Variants in NIBAN1 observed in about 807,000 individuals in gnomAD.
NIBAN1 encodes the protein niban apoptosis regulator 1, also known as protein Niban 1.
A neutral mutation model predicts 75.1 loss-of-function variants in NIBAN1; 81 were observed. The ratio of observed to expected loss-of-function variants is 1.08; its 90% CI spans 0.90 to 1.30. NIBAN1 has a LOEUF of 1.30. Ranked by LOEUF, NIBAN1 falls within the 50% of genes most tolerant of loss-of-function variation. NIBAN1 has a pLI of 0.00. For synonymous variants in NIBAN1, 436 were observed against 424.8 expected, an observed-to-expected ratio of 1.03 and a Z score of -0.32; for missense variants, 1,133 against 1,128.1, an observed-to-expected ratio of 1.00 and a Z score of -0.06.
At chr1:184,960,446 TCTC>T (rs1242739099) in intron 1 of NIBAN1, among the ~76,000 whole-genome samples, 2 of 152,214 alleles carry the variant, frequency 1.3e-5, no homozygotes, top group Non-Finnish European at 2.9e-5. Context: ...AATTTTTTCT[TCTC>T]CTTTCATTCA....
chr1:184,972,592 G>A (rs1206601148), intron 1 of NIBAN1, among the ~76,000 whole-genome samples: 1 of 152,114 alleles, frequency 6.6e-6, no homozygotes, highest in Non-Finnish European at 1.5e-5. Context: ...ATAGAATGAA[G>A]AGAGAAAGCT....
chr1:184,899,065 C>T, intron 2 of NIBAN1, 114 bp downstream of exon 2: 1 of 1,255,800 alleles, frequency 8.0e-7, no homozygotes, highest in Non-Finnish European at 1.1e-6. Flanking sequence ...GAAACGACTT[C>T]AGAGCAGAGT....
chr1:184,824,244 T>A (rs1654784463), intron 6 of NIBAN1, among the ~76,000 whole-genome samples: 1 of 152,180 alleles, frequency 6.6e-6, no homozygotes, highest in East Asian at 1.9e-4. Context: ...CCAAGCCCCA[T>A]TGTCATCCTC....
chr1:184,971,857 C>T (rs1658945371), intron 1 of NIBAN1, among the ~76,000 whole-genome samples: 1 of 152,140 alleles, frequency 6.6e-6, no homozygotes, highest in African/African-American at 2.4e-5. Flanking sequence ...ATGAGCATTG[C>T]CGTAATTTCC....
chr1:184,936,687 CTGCG>C (rs1007297278), intron 1 of NIBAN1, among the ~76,000 whole-genome samples: 16 of 152,174 alleles, frequency 1.1e-4, no homozygotes, highest in Admixed American at 3.3e-4. Context: ...AGTCTTCACA[CTGCG>C]TGCGTGCGTG....
intron 5 of NIBAN1, among the ~76,000 whole-genome samples, chr1:184,843,707 C>T (rs1269351509): frequency 6.6e-6 from 1 of 152,152 alleles, no homozygotes; most frequent in African/African-American, 2.4e-5. Context: ...AAACTATCTC[C>T]CAATCCCTTG....
At chr1:184,826,496 G>A (rs1044204160) in intron 6 of NIBAN1, among the ~76,000 whole-genome samples, 8 of 152,210 alleles carry the variant, frequency 5.3e-5, no homozygotes, top group African/African-American at 1.7e-4. Context: ...ATAAGTTCTT[G>A]TTTGGAACAC....
intron 3 of NIBAN1, 46 bp from the exon 4 acceptor site, chr1:184,890,268 G>T (rs1656633832): frequency 3.5e-6 from 5 of 1,413,874 alleles, no homozygotes; most frequent in African/African-American, 2.8e-5. Context: ...TTCCCCATTT[G>T]ATTTTTGGAA....
rs187228593 is a variant in NIBAN1 at position 184,806,959 on chromosome 1, G to A, written c.1336-903C>T. ...ATTTTTTTGTATTTTTAGTAGAGAT[G>A]GGGTTTCACCATGTTGGCCAGGCTG... On this transcript the variant is annotated intron_variant, in intron 10 of 13. Coordinates refer to ENST00000367511, the MANE Select transcript of NIBAN1 (RefSeq NM_052966.4). Among the ~76,000 whole-genome samples, 454 of 151,984 alleles carry A rather than the reference G, an allele frequency of 3.0e-3. 5 individuals are homozygous for A. In the East Asian group the frequency reaches 0.039, roughly 13 times the overall value.
chr1:184,801,226 T>C (rs997850537), intron 12 of NIBAN1, among the ~76,000 whole-genome samples: 2 of 152,264 alleles, frequency 1.3e-5, no homozygotes, highest in Non-Finnish European at 2.9e-5. Context: ...CTCTCAGTGC[T>C]GGGACTTTGG....
chr1:184,925,252 T>G (rs2102023918), intron 1 of NIBAN1, among the ~76,000 whole-genome samples: 1 of 152,268 alleles, frequency 6.6e-6, no homozygotes, highest in East Asian at 1.9e-4. Context: ...GGTTTTCATT[T>G]GTATGGAACA....
intron 1 of NIBAN1, among the ~76,000 whole-genome samples, chr1:184,947,302 A>G (rs931558655): frequency 1.3e-5 from 2 of 152,178 alleles, no homozygotes; most frequent in Non-Finnish European, 2.9e-5. Flanking sequence ...CAGAAGAACA[A>G]ATAATGTATT....
chr1:184,887,234 T>G, intron 4 of NIBAN1, among the ~76,000 whole-genome samples: 1 of 152,100 alleles, frequency 6.6e-6, no homozygotes, highest in East Asian at 1.9e-4. Context: ...CAGAGGAGAA[T>G]GCACCACCAG....
intron 12 of NIBAN1, among the ~76,000 whole-genome samples, chr1:184,801,543 G>C (rs1252288498): frequency 6.6e-6 from 1 of 152,154 alleles, no homozygotes; most frequent in African/African-American, 2.4e-5. Context: ...CTATTCCCCT[G>C]ATTGGCATTC....
chr1:184,861,481 CAGAA>C (rs1174689500), intron 5 of NIBAN1, among the ~76,000 whole-genome samples: 1 of 144,270 alleles, frequency 6.9e-6, no homozygotes, highest in African/African-American at 2.6e-5. Context: ...TATTTGTTGG[CAGAA>C]GGAAGGGACA....
intron 1 of NIBAN1, among the ~76,000 whole-genome samples, chr1:184,946,007 A>AG (rs1312347093): frequency 1.3e-5 from 2 of 151,976 alleles, no homozygotes; most frequent in South Asian, 4.2e-4. Context: ...TTAAAAAAAA[A>AG]AAAGAAAGAG....
chr1:184,818,790 C>A lies in NIBAN1; in HGVS notation c.1021G>T (p.Glu341Ter). 1.9e-6 allele frequency: 3 copies of A among 1,604,198 alleles called. No individual in the cohort carries two copies. The highest frequency in any genetic ancestry group is 2.6e-6 in the Non-Finnish European group (3 of 1,173,486). ...VAQPAEKSCL[E>*]SVQPFLASIL... ...GATGCCAGGAATGGCTGCACACTCT[C>A]CAAGCAGCTTTTCTCCGCCGGCTGG... Residue 341 changes from glutamate to a stop codon, truncating the protein, a stop_gained, in exon 9 of 14, where the codon GAG (glutamate) becomes TAG (stop). Coordinates refer to ENST00000367511, the MANE Select transcript of NIBAN1 (RefSeq NM_052966.4). LOFTEE classifies it high-confidence loss of function.
intron 4 of NIBAN1, among the ~76,000 whole-genome samples, chr1:184,886,026 G>C (rs922904021): frequency 2.6e-5 from 4 of 151,976 alleles, no homozygotes; most frequent in African/African-American, 7.3e-5. Flanking sequence ...ACCCTCCCAG[G>C]GTGTGTTCAC....
At chr1:184,842,702 G>A (rs1035844793) in intron 5 of NIBAN1, among the ~76,000 whole-genome samples, 4 of 41,074 alleles carry the variant, frequency 9.7e-5, no homozygotes, top group South Asian at 5.3e-4. Flanking sequence ...GCAGTGAGCC[G>A]AGATTGTGCC....
Sources: allele counts gnomAD v4.1 joint callset (sites outside exome capture counted in the v4.1 genomes callset), GRCh38; gene constraint gnomAD v4.1.1; transcripts MANE v1.5; gene names NCBI Gene and HGNC (gene_info 2026-07-23, HGNC 2026-07-21).